The following ADAMTS2 variants were observed in gnomAD, a reference collection of about 807,000 sequenced individuals.
ADAMTS2 encodes the protein ADAM metallopeptidase with thrombospondin type 1 motif 2, also known as A disintegrin and metalloproteinase with thrombospondin motifs 2.
A neutral mutation model predicts 123.0 loss-of-function variants in ADAMTS2; 50 were observed. That is an observed-to-expected ratio of 0.41 (90% CI 0.32 to 0.51). ADAMTS2 has a LOEUF of 0.51. Ranked by LOEUF, ADAMTS2 falls within the 20% of genes least tolerant of loss-of-function variation. The pLI is 0.35. For synonymous variants in ADAMTS2, 678 were observed against 695.4 expected (o/e 0.98, Z 0.39); for missense variants, 1,494 against 1,705.2 (o/e 0.88, Z 2.18).
chr5:179,206,956 C>T (rs1764711856), intron 4 of ADAMTS2, among the ~76,000 whole-genome samples: 1 of 152,108 alleles, frequency 6.6e-6, no homozygotes, highest in Admixed American at 6.5e-5. Context: ...TCCCCAATTC[C>T]TCCCACTGCG....
At chr5:179,282,366 A>G (rs1416368816) in intron 2 of ADAMTS2, among the ~76,000 whole-genome samples, 1 of 152,242 alleles carries the variant, frequency 6.6e-6, no homozygotes, top group African/African-American at 2.4e-5. Context: ...GTGGATATCC[A>G]GGTGTGCCAA....
chr5:179,325,655 C>T (rs1263416679), intron 2 of ADAMTS2, among the ~76,000 whole-genome samples: 1 of 152,272 alleles, frequency 6.6e-6, no homozygotes, highest in Non-Finnish European at 1.5e-5. Context: ...CCCAGAAACC[C>T]TCGGGGAACC....
chr5:179,206,816 A>G (rs761542400), intron 4 of ADAMTS2, among the ~76,000 whole-genome samples: 1 of 152,188 alleles, frequency 6.6e-6, no homozygotes, highest in Non-Finnish European at 1.5e-5. Context: ...TGTTGGGGGT[A>G]TGGAATGAGG....
intron 2 of ADAMTS2, among the ~76,000 whole-genome samples, chr5:179,323,737 A>C (rs1757244328): frequency 1.3e-5 from 2 of 152,260 alleles, no homozygotes; most frequent in African/African-American, 4.8e-5. Context: ...GACCAGACCA[A>C]ATGGTGTTTA....
chr5:179,256,590 T>A lies in ADAMTS2; in HGVS notation c.688+16321A>T, dbSNP rs1380221047. Among the ~76,000 whole-genome samples, 2 of 151,568 alleles carry A rather than the reference T, an allele frequency of 1.3e-5. No homozygotes were observed. The highest frequency in any genetic ancestry group is 2.1e-4 in the South Asian group (1 of 4,782). On this transcript the variant is annotated intron_variant, in intron 3 of 21. Coordinates refer to ENST00000251582, the MANE Select transcript of ADAMTS2 (RefSeq NM_014244.5). The surrounding 1 kb of genome is among the most constrained non-coding windows in gnomAD (Gnocchi z 4.1). Reference sequence around the variant, plus strand: ...ATGTACGTGTAACTACCAACCAGAGTCCAGGAGTCTCACACTCCACTGCAA... The same window carrying A: ...ATGTACGTGTAACTACCAACCAGAGACCAGGAGTCTCACACTCCACTGCAA...
rs867846785 is a variant in ADAMTS2, at chr5:179,125,017, G to A, written c.2914C>T (p.Arg972Cys). ...ARPESRRACS[R>C]ELCPGRWRAG... ...CGCCAACGACCAGGGCAGAGCTCGC[G>A]GCTGCAGGCCCGGCGGCTCTCGGGC... The change falls in exon 19 of 22, where the codon CGC becomes TGC. Residue 972 changes from arginine (R) to cysteine (C), a missense_variant. Arg to Cys is a radical substitution (Grantham distance 180). Transcript: ENST00000251582. 53 of 1,556,388 alleles carry A rather than the reference G, an allele frequency of 3.4e-5. No homozygotes were observed. The highest frequency in any genetic ancestry group is 4.3e-5 in the Non-Finnish European group (50 of 1,156,830).
At chr5:179,240,625 T>C (rs1482907834) in intron 3 of ADAMTS2, among the ~76,000 whole-genome samples, 1 of 152,196 alleles carries the variant, frequency 6.6e-6, no homozygotes, top group Non-Finnish European at 1.5e-5. Flanking sequence ...GGAGTCCTTT[T>C]TGGAAACCTT....
intron 2 of ADAMTS2, among the ~76,000 whole-genome samples, chr5:179,319,363 G>GT (rs1757093029): frequency 6.6e-6 from 1 of 152,108 alleles, no homozygotes; most frequent in Admixed American, 6.5e-5. Flanking sequence ...TCATACATGT[G>GT]TATCATATGC....
At chr5:179,164,461 G>A (rs1368126442) in intron 5 of ADAMTS2, among the ~76,000 whole-genome samples, 1 of 152,168 alleles carries the variant, frequency 6.6e-6, no homozygotes, top group Non-Finnish European at 1.5e-5. Flanking sequence ...GAGCTGAGAG[G>A]CATCAGGGCT....
At chr5:179,311,766 C>T (rs575869159) in intron 2 of ADAMTS2, among the ~76,000 whole-genome samples, 1 of 152,150 alleles carries the variant, frequency 6.6e-6, no homozygotes, top group African/African-American at 2.4e-5. Flanking sequence ...CCCTACCCTG[C>T]TCCTTGGCTA....
At position 179,203,997 on chromosome 5, in the gene ADAMTS2, G is replaced by A. The variant is rs112250804; in HGVS notation, c.891+3516C>T. Among the ~76,000 whole-genome samples the A allele has an allele frequency of 5.4e-3, 818 of 152,278 alleles. 5 individuals are homozygous for A. Among genetic ancestry groups the A allele is most frequent in the African/African-American group, 0.018 (749 of 41,532 alleles). On this transcript the variant is annotated intron_variant, in intron 4 of 21. Transcript: ENST00000251582. ...AAATGTGGCCGATCCACCCACACAC[G>A]GGATACTGGTCCTCCCTGAAAAGGA...
intron 3 of ADAMTS2, among the ~76,000 whole-genome samples, chr5:179,223,289 C>T (rs1765171020): frequency 6.6e-6 from 1 of 151,844 alleles, no homozygotes; most frequent in South Asian, 2.1e-4. Flanking sequence ...CTCATACACA[C>T]ACACACGAAC....
chr5:179,252,009 C>CT (rs200457965), intron 3 of ADAMTS2, among the ~76,000 whole-genome samples: 8,179 of 135,646 alleles, frequency 0.06, 276 homozygotes, highest in Non-Finnish European at 0.079. Context: ...TTTTTCTTTT[C>CT]TTTTTTTTTT....
At chr5:179,171,598 TC>T (rs1253421079) in intron 5 of ADAMTS2, among the ~76,000 whole-genome samples, 3 of 152,048 alleles carry the variant, frequency 2.0e-5, no homozygotes, top group African/African-American at 7.2e-5. Flanking sequence ...ACTCAGGAGA[TC>T]CCCGGGATGG....
chr5:179,268,420 A>C (rs1356722996), intron 3 of ADAMTS2, among the ~76,000 whole-genome samples: 1 of 152,130 alleles, frequency 6.6e-6, no homozygotes, highest in African/African-American at 2.4e-5. Context: ...GCAGGCTCTG[A>C]GTTTGCAGCT....
rs1298419206 is a variant in ADAMTS2 at position 179,175,542 on chromosome 5, T to C, written c.975+5530A>G. ...CCAGGTATTCTACATTTTTGGTTAC[T>C]ACCATAATGGAAATTTTCTCTCCCT... On this transcript the variant is annotated intron_variant, in intron 5 of 21. Transcript: ENST00000251582. The surrounding 1 kb of genome is among the most constrained non-coding windows in gnomAD (Gnocchi z 4.1). 6.6e-6 allele frequency among the ~76,000 whole-genome samples: 1 copy of C among 152,222 alleles called. No homozygotes were observed. The highest frequency in any genetic ancestry group is 1.5e-5 in the Non-Finnish European group (1 of 68,038).
At chr5:179,318,641 TC>T (rs1396823562) in intron 2 of ADAMTS2, among the ~76,000 whole-genome samples, 5 of 152,038 alleles carry the variant, frequency 3.3e-5, no homozygotes, top group African/African-American at 1.2e-4. Flanking sequence ...CTGGCATTTG[TC>T]CCCATGAGAC....
chr5:179,343,901 C>T lies in ADAMTS2; in HGVS notation c.400G>A (p.Gly134Arg). 6.2e-7 allele frequency: 1 copy of T among 1,604,256 alleles called. No individual in the cohort carries two copies. The highest frequency in any genetic ancestry group is 1.7e-5 in the Admixed American group (1 of 57,880). Residue 134 changes from glycine to arginine, a missense_variant, in exon 2 of 22, where the codon GGG (glycine) becomes AGG (arginine). Physicochemically the swap from Gly to Arg is moderately radical, Grantham distance 125 (BLOSUM62 -2). Transcript: ENST00000251582. Reference sequence around the variant, plus strand: ...TCGCCCTGCCACTCCATAGTGGCCCCGGGCGCCACGAGGCGGGCGTTGGGC... The same window carrying T: ...TCGCCCTGCCACTCCATAGTGGCCCTGGGCGCCACGAGGCGGGCGTTGGGC... ...LRPNARLVAP[G>R]ATMEWQGEKG...
At chr5:179,220,879 T>C (rs1437277017) in intron 3 of ADAMTS2, among the ~76,000 whole-genome samples, 5 of 152,160 alleles carry the variant, frequency 3.3e-5, no homozygotes, top group African/African-American at 9.7e-5. Context: ...TGGGAAGAGC[T>C]TGCAGCCAAC....
Sources: gnomAD v4.1 joint callset for allele counts (sites outside exome capture counted in the v4.1 genomes callset) on GRCh38, gnomAD v4.1.1 for gene constraint, Gnocchi (gnomAD v3.1) non-coding constraint, MANE v1.5 for transcripts, NCBI Gene and HGNC (gene_info 2026-07-23, HGNC 2026-07-21) for gene names.